The following TAF1B variants were observed in gnomAD, a reference collection of about 807,000 sequenced individuals.
The protein encoded by TAF1B is TATA box-binding protein-associated factor RNA polymerase I subunit B.
A neutral mutation model predicts 83.9 loss-of-function variants in TAF1B; 61 were observed. The ratio of observed to expected loss-of-function variants is 0.73; its 90% confidence interval spans 0.59 to 0.90. The LOEUF is 0.90. Among genes scored for constraint, TAF1B ranks in the 40% least tolerant of loss-of-function variants. The pLI is 0.00. For missense variants in TAF1B, 625 were observed against 677.0 expected (o/e 0.92, Z 0.85); for synonymous variants, 221 against 224.6 (o/e 0.98, Z 0.14).
chr2:9,895,265 T>C (rs1011712028), intron 8 of TAF1B, among the ~76,000 whole-genome samples: 2 of 152,214 alleles, frequency 1.3e-5, no homozygotes, highest in Admixed American at 1.3e-4. Flanking sequence ...TTTGGGAAGC[T>C]GAGGCGGGAG....
At chr2:9,869,264 A>T (rs1024674377) in intron 6 of TAF1B, among the ~76,000 whole-genome samples, 1 of 151,858 alleles carries the variant, frequency 6.6e-6, no homozygotes, top group Non-Finnish European at 1.5e-5. Context: ...TAGTTCTGTC[A>T]CCCAGGCTGG....
chr2:9,881,085 G>C (rs935812837), intron 7 of TAF1B, among the ~76,000 whole-genome samples: 1 of 152,088 alleles, frequency 6.6e-6, no homozygotes, highest in Admixed American at 6.5e-5. Context: ...TGTAATTCCA[G>C]CACTGTGGGA....
At chr2:9,848,666 C>CAAA (rs3032346) in intron 2 of TAF1B, among the ~76,000 whole-genome samples, 25 of 140,256 alleles carry the variant, frequency 1.8e-4, no homozygotes, top group Admixed American at 2.2e-4. Flanking sequence ...AACTCCCTCT[C>CAAA]AAAAAAAAAA....
rs1666296490 is a variant in TAF1B at position 9,933,892 on chromosome 2, G to A, written c.1675G>A (p.Glu559Lys). ...CAGAATAAAGACTTCCCTTCTCCAT[G>A]AAGAAGTGAGCTTAGTTGAGAAGAA... Reference protein sequence around the residue: ...LLRIKTSLLHEEVSLVEKKLF... With the variant: ...LLRIKTSLLHKEVSLVEKKLF... Residue 559 changes from glutamate (E) to lysine (K), a missense_variant, in exon 15 of 15, where the codon GAA (glutamate) becomes AAA (lysine). Physicochemically the swap from Glu to Lys is moderately conservative, Grantham distance 56. Coordinates refer to ENST00000263663, the MANE Select transcript of TAF1B (RefSeq NM_005680.3). The A allele has an allele frequency of 6.2e-7, 1 of 1,613,492 alleles. No homozygotes were observed. Among genetic ancestry groups the A allele is most frequent in the South Asian group, 1.1e-5 (1 of 91,056 alleles).
chr2:9,926,162 C>G (rs1164918334), intron 14 of TAF1B, among the ~76,000 whole-genome samples: 1 of 152,078 alleles, frequency 6.6e-6, no homozygotes, highest in Admixed American at 6.5e-5. Flanking sequence ...AGATCTCAAA[C>G]ATCATATTTT....
rs1415832589 is a variant in TAF1B, at chr2:9,849,782, T to C, written c.205+322T>C. 3.3e-5 allele frequency among the ~76,000 whole-genome samples: 5 copies of C among 152,184 alleles called. No homozygotes were observed. In the South Asian group the frequency reaches 6.2e-4, roughly 19 times the overall value. On this transcript the variant is annotated intron_variant, in intron 3 of 14. Coordinates refer to ENST00000263663, the MANE Select transcript of TAF1B (RefSeq NM_005680.3). ...ACCTTTTTAAAATTGGGAAAATTAT[T>C]TTCCCTTAAAATGACCTCAACATGA... is the stretch of plus-strand genomic sequence containing the variant.
chr2:9,924,360 A>G (rs1190096584), intron 14 of TAF1B, among the ~76,000 whole-genome samples: 2 of 152,248 alleles, frequency 1.3e-5, no homozygotes, highest in Non-Finnish European at 2.9e-5. Context: ...CATCAAAGAA[A>G]CAAAAGGAGA....
intron 2 of TAF1B, 94 bp from the exon 3 acceptor site, chr2:9,849,279 A>G (rs972463731): frequency 4.5e-6 from 4 of 880,876 alleles, no homozygotes; most frequent in Admixed American, 3.2e-5. Context: ...GGCACTCACA[A>G]TTTGGTTTAT....
At chr2:9,863,159 A>T (rs564225154) in intron 5 of TAF1B, among the ~76,000 whole-genome samples, 2 of 152,230 alleles carry the variant, frequency 1.3e-5, no homozygotes, top group African/African-American at 4.8e-5. Context: ...GGCAAATTGG[A>T]TAAAGAGTCA....
Position 9,926,488 on chromosome 2 carries a change from C to CATCTA in TAF1B, c.1565+6670_1565+6674dup, listed in dbSNP as rs200828274. Among the ~76,000 whole-genome samples, 134 of 152,248 alleles carry CATCTA rather than the reference C, an allele frequency of 8.8e-4. No individual in the cohort carries two copies. The East Asian group carries it at 0.012, about 14-fold the overall frequency. On this transcript the variant is annotated intron_variant, in intron 14 of 14. Coordinates refer to ENST00000263663, the MANE Select transcript of TAF1B (RefSeq NM_005680.3). ...GTGTATAGACAGTGCCATATGATGC[C>CATCTA]ATCTAACCTCTTCCTCTATCCCTGG...
chr2:9,890,620 GT>G (rs1478091745), intron 8 of TAF1B, among the ~76,000 whole-genome samples: 5 of 151,638 alleles, frequency 3.3e-5, no homozygotes, highest in Admixed American at 3.3e-4. Flanking sequence ...AAGTAATATT[GT>G]TTTTAATTGA....
intron 9 of TAF1B, 112 bp from the exon 10 acceptor site, chr2:9,910,624 C>G (rs1665498823): frequency 1.2e-6 from 1 of 835,672 alleles, no homozygotes; most frequent in Non-Finnish European, 1.8e-6. Flanking sequence ...AAATGTGGGT[C>G]TCTGAGTTCT....
At chr2:9,867,400 C>A (rs1664020430) in intron 5 of TAF1B, among the ~76,000 whole-genome samples, 1 of 152,224 alleles carries the variant, frequency 6.6e-6, no homozygotes, top group South Asian at 2.1e-4. Flanking sequence ...GGTGTAGCCT[C>A]CTTCTCACAG....
chr2:9,902,293 A>G (rs1375562076), intron 8 of TAF1B, among the ~76,000 whole-genome samples: 1 of 151,474 alleles, frequency 6.6e-6, no homozygotes, highest in Non-Finnish European at 1.5e-5. Context: ...CACATCATAA[A>G]TGTATAGACA....
At chr2:9,927,433 G>A (rs1055864129) in intron 14 of TAF1B, among the ~76,000 whole-genome samples, 5 of 152,210 alleles carry the variant, frequency 3.3e-5, no homozygotes, top group African/African-American at 9.7e-5. Flanking sequence ...CTAGATCCTT[G>A]AGGAATTGCC....
intron 9 of TAF1B, among the ~76,000 whole-genome samples, chr2:9,906,010 C>T (rs769778124): frequency 6.6e-6 from 1 of 151,634 alleles, no homozygotes; most frequent in Non-Finnish European, 1.5e-5. Context: ...TGCATTTGGA[C>T]ATGTTGTATA....
chr2:9,888,788 TG>T (rs779187763), intron 8 of TAF1B, among the ~76,000 whole-genome samples: 1 of 103,368 alleles, frequency 9.7e-6, no homozygotes, highest in African/African-American at 2.9e-5. Flanking sequence ...TTCTTCTGCT[TG>T]GTTTTTTTTT....
chr2:9,882,544 A>G (rs1664542138), intron 7 of TAF1B, among the ~76,000 whole-genome samples, 162 bp from the exon 8 acceptor site: 2 of 152,264 alleles, frequency 1.3e-5, no homozygotes, highest in African/African-American at 4.8e-5. Context: ...GGTAAAGAGA[A>G]TAATAGATAT....
At chr2:9,909,508 A>G (rs1665458082) in intron 9 of TAF1B, among the ~76,000 whole-genome samples, 1 of 152,226 alleles carries the variant, frequency 6.6e-6, no homozygotes, top group Admixed American at 6.5e-5. Flanking sequence ...GGCAAGTGAG[A>G]ATATGGCTTG....
Sources: allele counts gnomAD v4.1 joint callset (sites outside exome capture counted in the v4.1 genomes callset), GRCh38; gene constraint gnomAD v4.1.1; transcripts MANE v1.5; gene names NCBI Gene and HGNC (gene_info 2026-07-23, HGNC 2026-07-21).